Variants in CDC23 observed in about 807,000 individuals in gnomAD.
CDC23 encodes cell division cycle 23.
Under a neutral mutation model 81.7 loss-of-function variants are expected in CDC23, and 26 were observed. The ratio of observed to expected loss-of-function variants is 0.32; its 90% CI spans 0.23 to 0.44. The LOEUF (loss-of-function observed/expected upper bound fraction) is 0.44. Ranked by LOEUF, CDC23 falls within the 20% of genes least tolerant of loss-of-function variation. The pLI, the probability that CDC23 is intolerant of heterozygous loss-of-function variation, is 1.00. For synonymous variants in CDC23, 267 were observed against 270.8 expected (o/e 0.99, Z 0.14); for missense variants, 519 against 728.0 (o/e 0.71, Z 3.30).
chr5:138,202,934 C>T (rs1240454804), intron 3 of CDC23, among the ~76,000 whole-genome samples: 1 of 152,126 alleles, frequency 6.6e-6, no homozygotes, highest in Non-Finnish European at 1.5e-5. Context: ...GTTATCCGCA[C>T]AGACTGTTGA....
At chr5:138,197,470 T>C (rs4552585) in intron 9 of CDC23, among the ~76,000 whole-genome samples, 45,095 of 150,774 alleles carry the variant, frequency 0.3, 7,891 homozygotes, top group South Asian at 0.43. Flanking sequence ...GCAAACAATA[T>C]AGACGTAACA....
chr5:138,195,298 A>G (rs917851548), intron 9 of CDC23, among the ~76,000 whole-genome samples: 6 of 151,080 alleles, frequency 4.0e-5, no homozygotes, highest in African/African-American at 1.2e-4. Context: ...CTGCACTTTA[A>G]AAAATCTCCT....
At chr5:138,196,890 C>CTTT (rs34002952) in intron 9 of CDC23, among the ~76,000 whole-genome samples, 3 of 113,414 alleles carry the variant, frequency 2.6e-5, no homozygotes, top group Non-Finnish European at 5.3e-5. Flanking sequence ...TTTTTTTTTC[C>CTTT]TTTTTTTTTT....
At chr5:138,203,206 T>G (rs1055192475) in intron 3 of CDC23, among the ~76,000 whole-genome samples, 3 of 151,934 alleles carry the variant, frequency 2.0e-5, no homozygotes, top group African/African-American at 7.3e-5. Flanking sequence ...GGAAAAGAAG[T>G]CAAACCCACA....
rs1754858059 is a variant in CDC23, at chr5:138,194,178, T to C, written c.1013-1521A>G. Reference sequence around the variant, plus strand: ...GGAACTACTGATACATGCTACAATATGGATGAACCTCAAAAGCATGCTAAT... The same window carrying C: ...GGAACTACTGATACATGCTACAATACGGATGAACCTCAAAAGCATGCTAAT... On this transcript the variant is annotated intron_variant, in intron 9 of 15. Transcript: ENST00000394886. Among the ~76,000 whole-genome samples, 5 of 152,070 alleles carry C rather than the reference T, an allele frequency of 3.3e-5. 1 individual carries two copies. In the South Asian group the frequency reaches 6.2e-4, roughly 19 times the overall value.
chr5:138,199,454 T>G (rs1021742598), intron 6 of CDC23, among the ~76,000 whole-genome samples: 1 of 151,664 alleles, frequency 6.6e-6, no homozygotes, highest in African/African-American at 2.4e-5. Context: ...GAGAAAGAAA[T>G]AGTTTGGAAA....
intron 9 of CDC23, among the ~76,000 whole-genome samples, chr5:138,195,880 G>A (rs888680055): frequency 1.4e-5 from 2 of 144,246 alleles, no homozygotes; most frequent in East Asian, 3.9e-4. Context: ...TAGAGACTGT[G>A]ACTGACAGGT....
intron 9 of CDC23, among the ~76,000 whole-genome samples, chr5:138,197,755 A>T (rs1242639764): frequency 1.3e-5 from 2 of 152,042 alleles, no homozygotes; most frequent in Non-Finnish European, 2.9e-5. Context: ...CTGGCATCCC[A>T]AAGTGCTGGG....
intron 4 of CDC23, 27 bp from the exon 5 acceptor site, chr5:138,201,475 T>C: frequency 1.4e-6 from 2 of 1,460,070 alleles, no homozygotes; most frequent in Non-Finnish European, 1.9e-6. Context: ...GTCTCTGTTC[T>C]AAGGTTAGGA....
intron 13 of CDC23, among the ~76,000 whole-genome samples, chr5:138,190,739 T>A (rs1754817262): frequency 6.6e-6 from 1 of 151,340 alleles, no homozygotes; most frequent in African/African-American, 2.4e-5. Context: ...AGACTCCGTC[T>A]CAAAAAAAAA....
chr5:138,205,339 G>A (rs1395747141), intron 3 of CDC23, among the ~76,000 whole-genome samples: 1 of 151,984 alleles, frequency 6.6e-6, no homozygotes, highest in African/African-American at 2.4e-5. Flanking sequence ...TAAATACAAT[G>A]GAATATTATT....
In CDC23 at chr5:138,188,905, C is replaced by A; in HGVS notation, c.*73G>T. Reference sequence around the variant, plus strand: ...GAAGAGCTGAGGTCCTTGGAACAGACGTGCTGTTCTTTACATGGAGGTAAG... The same window carrying A: ...GAAGAGCTGAGGTCCTTGGAACAGAAGTGCTGTTCTTTACATGGAGGTAAG... On this transcript the variant is annotated 3_prime_UTR_variant, in exon 16 of 16. Transcript: ENST00000394886. 2 of 1,433,396 alleles carry A rather than the reference C, an allele frequency of 1.4e-6. No individual in the cohort carries two copies. Among genetic ancestry groups the A allele is most frequent in the Non-Finnish European group, 1.9e-6 (2 of 1,048,920 alleles). 88.8% of individuals were successfully genotyped at this position (1,433,396 alleles called of 1,614,324 possible).
At chr5:138,200,339 C>T (rs1222167235) in intron 6 of CDC23, among the ~76,000 whole-genome samples, 1 of 152,056 alleles carries the variant, frequency 6.6e-6, no homozygotes, top group Non-Finnish European at 1.5e-5. Context: ...ACCACGTTGA[C>T]CAGGCTGGTC....
intron 9 of CDC23, among the ~76,000 whole-genome samples, chr5:138,195,737 TAATA>T (rs1754891303): frequency 1.7e-5 from 2 of 118,612 alleles, no homozygotes; most frequent in East Asian, 2.1e-4. Flanking sequence ...TATATACATA[TAATA>T]TATATGTATA....
chr5:138,195,798 T>C (rs1484816209), intron 9 of CDC23, among the ~76,000 whole-genome samples: 1 of 128,672 alleles, frequency 7.8e-6, no homozygotes, highest in Non-Finnish European at 1.6e-5. Flanking sequence ...ATTTTATATA[T>C]GTGTATATAT....
intron 11 of CDC23, 59 bp from the exon 12 acceptor site, chr5:138,191,996 T>A (rs1754832260): frequency 7.0e-7 from 1 of 1,428,088 alleles, no homozygotes; most frequent in East Asian, 2.3e-5. Flanking sequence ...AGTTCTCTTT[T>A]GAGGAACCAG....
Position 138,192,339 on chromosome 5 carries a change from C to T in CDC23, c.1216G>A (p.Gly406Arg), listed in dbSNP as rs1217864945. The part of the protein sequence containing the change: ...KRDYRAWYGL[G>R]QTYEILKMPF... ...ATCTTAAGGATTTCATAGGTCTGCC[C>T]GAGGCCATACCAAGCTCTGTAGTCC... The change falls in exon 11 of 16, where the codon GGG becomes AGG. Residue 406 changes from glycine to arginine, a missense_variant. By Grantham distance (125) the Gly-to-Arg change is moderately radical (BLOSUM62 -2). Coordinates refer to ENST00000394886, the MANE Select transcript of CDC23 (RefSeq NM_004661.4). 1.9e-6 allele frequency: 3 copies of T among 1,614,126 alleles called. No individual in the cohort carries two copies. Among genetic ancestry groups the T allele is most frequent in the Non-Finnish European group, 2.5e-6 (3 of 1,180,026 alleles).
intron 13 of CDC23, 112 bp downstream of exon 13, chr5:138,191,362 T>C (rs1324393178): frequency 3.3e-6 from 3 of 912,076 alleles, no homozygotes; most frequent in African/African-American, 1.6e-5. Flanking sequence ...CCCTGCTACA[T>C]CCCTACACCT....
intron 4 of CDC23, 150 bp downstream of exon 4, chr5:138,201,963 G>T: frequency 1.7e-6 from 1 of 603,878 alleles, no homozygotes. Context: ...CTCAGCTATA[G>T]CTGGGTACAA....
Sources: gnomAD v4.1 joint callset for allele counts (sites outside exome capture counted in the v4.1 genomes callset) on GRCh38, gnomAD v4.1.1 for gene constraint, MANE v1.5 for transcripts, NCBI Gene and HGNC (gene_info 2026-07-23, HGNC 2026-07-21) for gene names.